ARHGEF7: variants seen among roughly 807,000 people sequenced by gnomAD.
ARHGEF7 encodes Rho guanine nucleotide exchange factor 7.
Under a neutral mutation model 109.8 loss-of-function variants are expected in ARHGEF7, and 33 were observed. That is an observed-to-expected ratio of 0.30 (90% confidence interval 0.23 to 0.40). The LOEUF (loss-of-function observed/expected upper bound fraction) is 0.40. Ranked by LOEUF, ARHGEF7 falls within the 10% of genes least tolerant of loss-of-function variation. The pLI is 1.00. For synonymous variants in ARHGEF7, 458 were observed against 424.6 expected (o/e 1.08, Z -0.97); for missense variants, 938 against 1,098.5 (o/e 0.85, Z 2.07).
intron 2 of ARHGEF7, among the ~76,000 whole-genome samples, chr13:111,180,017 C>T (rs1045137476): frequency 2.0e-5 from 3 of 152,148 alleles, no homozygotes; most frequent in Non-Finnish European, 2.9e-5. Context: ...TACCCCCAAA[C>T]GTTTCACTGA....
At chr13:111,207,775 G>A (rs962797738) in intron 3 of ARHGEF7, among the ~76,000 whole-genome samples, 3 of 152,316 alleles carry the variant, frequency 2.0e-5, no homozygotes, top group African/African-American at 7.2e-5. Flanking sequence ...AATAAGAGAA[G>A]TCAGAATCCA....
Position 111,217,822 on chromosome 13 carries a change from A to G in ARHGEF7, c.612A>G (p.Thr204=). 3 of 1,614,146 alleles carry G rather than the reference A, an allele frequency of 1.9e-6. No homozygotes were observed. The highest frequency in any genetic ancestry group is 2.5e-6 in the Non-Finnish European group (3 of 1,179,996). ...RVEEGGWWEG[T]LNGRTGWFPS... is the part of the protein sequence containing the mutation. ...AAGAGGGAGGCTGGTGGGAGGGCAC[A>G]CTCAACGGCCGGACCGGCTGGTTCC... Residue 204 remains threonine (T), a synonymous_variant, in exon 5 of 22, where the codon ACA becomes ACG. Transcript: ENST00000646102.
At chr13:111,186,232 G>A (rs115613568) in intron 2 of ARHGEF7, among the ~76,000 whole-genome samples, 48 of 152,210 alleles carry the variant, frequency 3.2e-4, no homozygotes, top group Admixed American at 9.8e-4. Flanking sequence ...CTGTGCTCCT[G>A]CCTCCCTGCT....
intron 2 of ARHGEF7, among the ~76,000 whole-genome samples, chr13:111,166,447 T>C (rs2077135106): frequency 6.6e-6 from 1 of 152,144 alleles, no homozygotes; most frequent in Non-Finnish European, 1.5e-5. Flanking sequence ...GAGTATAGAC[T>C]GAAAGACTCA....
intron 6 of ARHGEF7, among the ~76,000 whole-genome samples, chr13:111,234,635 T>G (rs1312817389): frequency 6.6e-6 from 1 of 152,224 alleles, no homozygotes; most frequent in African/African-American, 2.4e-5. Context: ...TTCTCTTACA[T>G]TAGTGGCAAT....
chr13:111,192,489 G>A (rs74126730), intron 2 of ARHGEF7, among the ~76,000 whole-genome samples: 46 of 152,340 alleles, frequency 3.0e-4, no homozygotes, highest in African/African-American at 1.1e-3. Context: ...GACGTCATTT[G>A]TGAGAAAAGG....
intron 6 of ARHGEF7, among the ~76,000 whole-genome samples, chr13:111,238,211 G>C (rs1005174859): frequency 3.3e-5 from 5 of 152,138 alleles, no homozygotes; most frequent in African/African-American, 1.2e-4. Flanking sequence ...TTAAGATCCG[G>C]GCGGCTTGAT....
intron 5 of ARHGEF7, among the ~76,000 whole-genome samples, chr13:111,223,500 T>A (rs574299764): frequency 1.3e-5 from 2 of 152,372 alleles, no homozygotes; most frequent in South Asian, 4.1e-4. Context: ...AGGCTGTTTA[T>A]CTCCAGATAA....
At chr13:111,191,324 G>A (rs1005784564) in intron 2 of ARHGEF7, among the ~76,000 whole-genome samples, 13 of 152,160 alleles carry the variant, frequency 8.5e-5, no homozygotes, top group African/African-American at 3.1e-4. Flanking sequence ...GATGCATAAA[G>A]GGACATGGAA....
At position 111,176,213 on chromosome 13, in the gene ARHGEF7, A is replaced by C. The variant is rs1223707509; in HGVS notation, c.252+22222A>C. On this transcript the variant is annotated intron_variant, in intron 2 of 21. Transcript: ENST00000646102. ...TTGATGGAAGTGTGGATTTTAGTCT[A>C]ATGATGGCCAGAAGCTGCTGGAGGA... Among the ~76,000 whole-genome samples the C allele has an allele frequency of 2.6e-5, 4 of 152,190 alleles. No homozygotes were observed. In the East Asian group the frequency reaches 7.7e-4, roughly 29 times the overall value.
chr13:111,237,628 G>T (rs564393767), intron 6 of ARHGEF7, among the ~76,000 whole-genome samples: 5 of 152,308 alleles, frequency 3.3e-5, no homozygotes, highest in African/African-American at 1.2e-4. Flanking sequence ...GTAATAAATT[G>T]CAAGCAACCC....
chr13:111,243,614 G>C (rs531516992), intron 6 of ARHGEF7, among the ~76,000 whole-genome samples: 1 of 152,304 alleles, frequency 6.6e-6, no homozygotes, highest in East Asian at 1.9e-4. Flanking sequence ...GGCATCTGAT[G>C]ATGGAATTCA....
At chr13:111,290,393 A>G (rs921132701) in intron 18 of ARHGEF7, among the ~76,000 whole-genome samples, 3 of 152,260 alleles carry the variant, frequency 2.0e-5, no homozygotes, top group African/African-American at 7.2e-5. Context: ...ATTAGGTACT[A>G]TAATTTAGAA....
intron 8 of ARHGEF7, chr13:111,265,835 C>T (rs1029888084): frequency 2.4e-6 from 1 of 421,478 alleles, no homozygotes; most frequent in African/African-American, 2.0e-5. Context: ...AGGGGACCAC[C>T]TGCGGGTGCC....
At chr13:111,119,308 G>C (rs2067016898) in intron 1 of ARHGEF7, among the ~76,000 whole-genome samples, 1 of 152,226 alleles carries the variant, frequency 6.6e-6, no homozygotes, top group Non-Finnish European at 1.5e-5. Flanking sequence ...CTGGGGGTTA[G>C]GACTTCAAAA....
chr13:111,261,914 C>T (rs1490937073), intron 8 of ARHGEF7, among the ~76,000 whole-genome samples: 1 of 152,078 alleles, frequency 6.6e-6, no homozygotes. Context: ...TTTCTTGAAA[C>T]AAGTGATCGT....
At chr13:111,215,052 A>G (rs1455713075) in intron 4 of ARHGEF7, among the ~76,000 whole-genome samples, 1 of 151,672 alleles carries the variant, frequency 6.6e-6, no homozygotes, top group Admixed American at 6.6e-5. Context: ...GCCACTTTTA[A>G]TTTTTTTCCA....
chr13:111,290,002 T>G (rs2093208343), intron 18 of ARHGEF7, among the ~76,000 whole-genome samples: 2 of 152,208 alleles, frequency 1.3e-5, no homozygotes, highest in Admixed American at 1.3e-4. Context: ...GGAATAAATA[T>G]GTGTATAATC....
chr13:111,123,874 C>T (rs1251251247), intron 1 of ARHGEF7, among the ~76,000 whole-genome samples: 9 of 125,154 alleles, frequency 7.2e-5, no homozygotes, highest in African/African-American at 2.4e-4. Context: ...CCCCCCCCCC[C>T]GGCCCCGCCC....
Sources: allele counts gnomAD v4.1 joint callset (sites outside exome capture counted in the v4.1 genomes callset), GRCh38; gene constraint gnomAD v4.1.1; transcripts MANE v1.5; gene names NCBI Gene and HGNC (gene_info 2026-07-23, HGNC 2026-07-21).